The following MAPK10 variants were observed in gnomAD, a reference collection of about 807,000 sequenced individuals.
MAPK10 encodes the protein JNK3 alpha protein kinase.
MAPK10 carries 25 observed loss-of-function variants against 59.3 expected under a neutral mutation model. The observed-to-expected ratio is 0.42, with a 90% CI of 0.31 to 0.59. The LOEUF (loss-of-function observed/expected upper bound fraction) is 0.59. Ranked by LOEUF, MAPK10 falls within the 20% of genes least tolerant of loss-of-function variation. The pLI is 0.15. For missense variants in MAPK10, 351 were observed against 568.9 expected (o/e 0.62, Z 3.90); for synonymous variants, 190 against 200.5 (o/e 0.95, Z 0.44).
intron 2 of MAPK10, chr4:86,277,251 G>T (rs2148788006): frequency 6.6e-6 from 1 of 152,010 alleles, no homozygotes; most frequent in East Asian, 1.9e-4. Context: ...TGCAAAAAGT[G>T]TCTACAAAAG....
chr4:86,083,440 A>G (rs2051097658), intron 9 of MAPK10, among the ~76,000 whole-genome samples: 1 of 152,146 alleles, frequency 6.6e-6, no homozygotes, highest in African/African-American at 2.4e-5. Context: ...TATAGCAGAA[A>G]GTAAAAACAA....
At position 86,551,414 on chromosome 4, in the gene MAPK10, G is replaced by A. The variant is rs1759763047; in HGVS notation, c.-263+42496C>T. On this transcript the variant is annotated intron_variant, in intron 1 of 4. Coordinates refer to the MAPK10 transcript ENST00000502302. ...TTAATTTTAACTAAGCATAACCAGTGAGTAAAATTTTGTCAAGATCATTCC... is the reference window on the plus strand; with the variant it reads ...TTAATTTTAACTAAGCATAACCAGTAAGTAAAATTTTGTCAAGATCATTCC... 2.6e-5 allele frequency among the ~76,000 whole-genome samples: 4 copies of A among 152,296 alleles called. No individual in the cohort carries two copies. The South Asian group carries it at 8.3e-4, about 32-fold the overall frequency.
intron 1 of MAPK10, among the ~76,000 whole-genome samples, chr4:86,367,614 C>A (rs1398961980): frequency 6.6e-6 from 1 of 152,014 alleles, no homozygotes; most frequent in African/African-American, 2.4e-5. Flanking sequence ...ATCCCTGTAC[C>A]CTCACTTGAG....
chr4:86,052,338 C>A (rs1188571679), intron 11 of MAPK10, among the ~76,000 whole-genome samples: 1 of 152,038 alleles, frequency 6.6e-6, no homozygotes, highest in East Asian at 1.9e-4. Flanking sequence ...AGTCCCCTCC[C>A]CCCATCCACT....
chr4:86,033,643 A>T (rs980268039), intron 11 of MAPK10, among the ~76,000 whole-genome samples: 2 of 152,224 alleles, frequency 1.3e-5, no homozygotes, highest in African/African-American at 4.8e-5. Flanking sequence ...TACAAGAGAG[A>T]ATGCAAAGTG....
rs573398020 is a variant in MAPK10 at position 86,056,942 on chromosome 4, ATTTAT to A, written c.1110+7319_1110+7323del. 5.9e-4 allele frequency among the ~76,000 whole-genome samples: 66 copies of A among 111,852 alleles called. 2 individuals carry two copies. The highest frequency in any genetic ancestry group is 5.8e-4 in the Non-Finnish European group (31 of 53,812). 73.4% of individuals were successfully genotyped at this position (111,852 alleles called of 152,430 possible). On this transcript the variant is annotated intron_variant, in intron 11 of 13. Coordinates refer to ENST00000641462, the MANE Select transcript of MAPK10 (RefSeq NM_138982.4). Reference sequence around the variant, plus strand: ...CAGCTTGGTCAGGACTTTTTTGTTTATTTATTTTATTTTATTTTATTTTATTTTAT... The same window carrying A: ...CAGCTTGGTCAGGACTTTTTTGTTTATTTATTTTATTTTATTTTATTTTAT...
intron 11 of MAPK10, among the ~76,000 whole-genome samples, chr4:86,038,316 T>C (rs942497399): frequency 6.6e-6 from 1 of 152,238 alleles, no homozygotes; most frequent in African/African-American, 2.4e-5. Context: ...TGTGCACTCA[T>C]TATTAATTCA....
intron 4 of MAPK10, among the ~76,000 whole-genome samples, chr4:86,144,659 T>C (rs936981291): frequency 6.6e-6 from 1 of 152,200 alleles, no homozygotes; most frequent in Non-Finnish European, 1.5e-5. Context: ...GCAGGCCTTA[T>C]ATAAACTCTG....
At chr4:86,235,331 C>A (rs1010516200) in intron 2 of MAPK10, among the ~76,000 whole-genome samples, 1 of 152,142 alleles carries the variant, frequency 6.6e-6, no homozygotes, top group African/African-American at 2.4e-5. Context: ...TCTGCACATG[C>A]TCCCGGGTGT....
chr4:86,443,126 A>G (rs2149048927), intron 1 of MAPK10, among the ~76,000 whole-genome samples: 1 of 152,236 alleles, frequency 6.6e-6, no homozygotes, highest in African/African-American at 2.4e-5. Flanking sequence ...AGCTCTGAAT[A>G]GATAAGTTTT....
rs138251320 is a variant in MAPK10 at position 86,322,308 on chromosome 4, C to T, written c.-7+32222G>A. On this transcript the variant is annotated intron_variant, in intron 2 of 13. Transcript: ENST00000641462. ...CTTCTCACTTCACAGGAGACTATGTCTCTTACACATGAAGCATTTTAGAAC... is the reference window on the plus strand; with the variant it reads ...CTTCTCACTTCACAGGAGACTATGTTTCTTACACATGAAGCATTTTAGAAC... Among the ~76,000 whole-genome samples, 1,511 of 152,288 alleles carry T rather than the reference C, an allele frequency of 9.9e-3. 18 individuals are homozygous for T. Among genetic ancestry groups the T allele is most frequent in the African/African-American group, 0.034 (1,429 of 41,564 alleles).
At chr4:86,458,366 G>A (rs1161462982) in intron 1 of MAPK10, among the ~76,000 whole-genome samples, 1 of 151,990 alleles carries the variant, frequency 6.6e-6, no homozygotes, top group African/African-American at 2.4e-5. Context: ...GGAGGCCGAG[G>A]CAGGAGAATC....
In MAPK10 at chr4:86,013,717, G is replaced by T. The variant is rs1578515908; in HGVS notation, c.*3511C>A. 6.6e-6 allele frequency: 1 copy of T among 152,122 alleles called. No individual in the cohort carries two copies. Among genetic ancestry groups the T allele is most frequent in the African/African-American group, 2.4e-5 (1 of 41,500 alleles). The allele number at this position is 152,122 out of a possible 1,614,324, so 9.4% of individuals were successfully genotyped here. On this transcript the variant is annotated 3_prime_UTR_variant, in exon 14 of 14. Transcript: ENST00000641462. Reference sequence around the variant, plus strand: ...CAGTCAGCTGCTATCAGTGTCTTTAGATAATATTTTTCTGATAACAGATTG... The same window carrying T: ...CAGTCAGCTGCTATCAGTGTCTTTATATAATATTTTTCTGATAACAGATTG...
Position 86,355,147 on chromosome 4 carries a change from A to G in MAPK10, c.-121-503T>C, listed in dbSNP as rs190293158. On this transcript the variant is annotated intron_variant, in intron 1 of 13. Coordinates refer to ENST00000641462, the MANE Select transcript of MAPK10 (RefSeq NM_138982.4). Reference sequence around the variant, plus strand: ...TTTATGTTCTTCTAGTTACTAACCTACTTTTTCACCATTATAGCCTGTTAC... The same window carrying G: ...TTTATGTTCTTCTAGTTACTAACCTGCTTTTTCACCATTATAGCCTGTTAC... Among the ~76,000 whole-genome samples the G allele has an allele frequency of 1.4e-3, 208 of 152,276 alleles. 4 individuals carry two copies. Among genetic ancestry groups the G allele is most frequent in the African/African-American group, 4.9e-3 (204 of 41,564 alleles).
chr4:86,520,088 G>A (rs190139640), intron 1 of MAPK10, among the ~76,000 whole-genome samples: 3 of 152,126 alleles, frequency 2.0e-5, no homozygotes, highest in East Asian at 3.9e-4. Context: ...TGATGACTAT[G>A]TGCCTAGGTT....
intron 9 of MAPK10, among the ~76,000 whole-genome samples, chr4:86,073,852 G>GA (rs1366328191): frequency 9.2e-6 from 1 of 109,244 alleles, no homozygotes; most frequent in Non-Finnish European, 1.9e-5. Context: ...GTGTGGTGCT[G>GA]AAAAAAATGT....
At chr4:86,251,021 A>C (rs2093385636) in intron 2 of MAPK10, among the ~76,000 whole-genome samples, 1 of 148,904 alleles carries the variant, frequency 6.7e-6, no homozygotes, top group Non-Finnish European at 1.5e-5. Context: ...AACTCAGAGA[A>C]GTGAAGGAAT....
chr4:86,218,568 CAAAAA>C (rs11330422), intron 2 of MAPK10, among the ~76,000 whole-genome samples: 11,678 of 95,608 alleles, frequency 0.12, 1,017 homozygotes, highest in African/African-American at 0.28. Flanking sequence ...AAGACTTAAG[CAAAAA>C]AAAAAAAAAA....
At chr4:86,061,041 G>A (rs1291870262) in intron 11 of MAPK10, among the ~76,000 whole-genome samples, 4 of 152,192 alleles carry the variant, frequency 2.6e-5, no homozygotes, top group Non-Finnish European at 4.4e-5. Context: ...TGACTCCCAA[G>A]CATTTGCTAA....
Sources: allele counts gnomAD v4.1 joint callset (sites outside exome capture counted in the v4.1 genomes callset), GRCh38; gene constraint gnomAD v4.1.1; transcripts MANE v1.5; gene names NCBI Gene and HGNC (gene_info 2026-07-23, HGNC 2026-07-21).